Variants in SPTBN4 observed in about 807,000 individuals in gnomAD.
SPTBN4 encodes the protein spectrin beta, non-erythrocytic 4, also known as spectrin beta chain, non-erythrocytic 4.
SPTBN4 carries 96 observed loss-of-function variants against 277.8 expected under a neutral mutation model. The observed-to-expected ratio is 0.35, with a 90% CI of 0.29 to 0.41. SPTBN4 has a LOEUF of 0.41. Among genes scored for constraint, SPTBN4 ranks in the 10% least tolerant of loss-of-function variants. The pLI is 1.00. For missense variants in SPTBN4, 3,006 were observed against 3,595.7 expected (o/e 0.84, Z 4.19); for synonymous variants, 1,481 against 1,580.3 (o/e 0.94, Z 1.49).
At chr19:40,470,658 A>G (rs928030626) in intron 1 of SPTBN4, among the ~76,000 whole-genome samples, 3 of 148,758 alleles carry the variant, frequency 2.0e-5, no homozygotes, top group Non-Finnish European at 4.5e-5. Flanking sequence ...CTTGAGAATG[A>G]GTCTTACTCT....
intron 20 of SPTBN4, among the ~76,000 whole-genome samples, chr19:40,541,376 C>T (rs1599784335): frequency 6.6e-6 from 1 of 152,168 alleles, no homozygotes; most frequent in Admixed American, 6.5e-5. Context: ...GCCCTTTTCC[C>T]AGCAGAGGGA....
intron 15 of SPTBN4, among the ~76,000 whole-genome samples, chr19:40,518,301 G>A (rs970917940): frequency 1.9e-4 from 29 of 152,024 alleles, no homozygotes; most frequent in Admixed American, 1.3e-4. Flanking sequence ...GCAAGACTCT[G>A]TCTAAAAAAG....
intron 5 of SPTBN4, 140 bp from the exon 6 acceptor site, chr19:40,494,757 C>A (rs1227118006): frequency 7.0e-6 from 5 of 710,364 alleles, no homozygotes; most frequent in Non-Finnish European, 7.3e-6. Flanking sequence ...CCAACACCCA[C>A]CCATCCATCC....
At chr19:40,493,732 T>C (rs913218221) in intron 5 of SPTBN4, among the ~76,000 whole-genome samples, 1 of 151,840 alleles carries the variant, frequency 6.6e-6, no homozygotes, top group African/African-American at 2.4e-5. Context: ...TGAAAATAAA[T>C]AACAAACACA....
intron 1 of SPTBN4, among the ~76,000 whole-genome samples, chr19:40,469,123 T>C (rs2079856765): frequency 1.3e-5 from 2 of 152,068 alleles, no homozygotes; most frequent in East Asian, 3.9e-4. Flanking sequence ...GATTTCAATG[T>C]GTCCCCCTAA....
At chr19:40,566,399 C>T (rs1210577847) in intron 30 of SPTBN4, 40 bp downstream of exon 30, 1 of 1,459,822 alleles carries the variant, frequency 6.9e-7, no homozygotes, top group East Asian at 2.5e-5. Flanking sequence ...CCCACCCCCA[C>T]CAAGACCCCC....
intron 28 of SPTBN4, 46 bp downstream of exon 28, chr19:40,565,607 G>A (rs1367011581): frequency 7.6e-6 from 12 of 1,586,216 alleles, no homozygotes; most frequent in Non-Finnish European, 9.4e-6. Context: ...GGGCACATTG[G>A]GGTGGAAGCC....
At chr19:40,552,759 T>C (rs1043192251) in intron 22 of SPTBN4, among the ~76,000 whole-genome samples, 2 of 152,172 alleles carry the variant, frequency 1.3e-5, no homozygotes, top group Admixed American at 1.3e-4. Flanking sequence ...TACTCTTGGC[T>C]GTCAACAGTG....
At chr19:40,540,087 C>T (rs1206857914) in intron 20 of SPTBN4, among the ~76,000 whole-genome samples, 2 of 151,034 alleles carry the variant, frequency 1.3e-5, no homozygotes, top group South Asian at 2.1e-4. Flanking sequence ...CCACCATACC[C>T]GGCTAATTTT....
In SPTBN4 at chr19:40,536,167, C is replaced by T. The variant is rs117857759; in HGVS notation, c.4359+1824C>T. Reference sequence around the variant, plus strand: ...GGGGTCAGTTCGTTCTTTTTCCCTCCGCTCCCCTCCCCTTCCCCTCTCTTT... The same window carrying T: ...GGGGTCAGTTCGTTCTTTTTCCCTCTGCTCCCCTCCCCTTCCCCTCTCTTT... On this transcript the variant is annotated intron_variant, in intron 20 of 35. Coordinates refer to ENST00000598249, the MANE Select transcript of SPTBN4 (RefSeq NM_020971.3). Among the ~76,000 whole-genome samples, 87 of 151,848 alleles carry T rather than the reference C, an allele frequency of 5.7e-4. No homozygotes were observed. In the East Asian group the frequency reaches 0.016, roughly 28 times the overall value.
chr19:40,567,616 G>GCCCCACCCCACCCACCAAAC, intron 30 of SPTBN4, 47 bp from the exon 31 acceptor site: 1 of 551,360 alleles, frequency 1.8e-6, no homozygotes, highest in Middle Eastern at 3.7e-4. Flanking sequence ...CCCTTACCCC[G>GCCCCACCCCACCCACCAAAC]CCCCGGCCCC....
intron 2 of SPTBN4, among the ~76,000 whole-genome samples, chr19:40,479,363 T>C (rs1568758070): frequency 1.3e-5 from 2 of 152,150 alleles, no homozygotes. Context: ...CCTCCACAGT[T>C]TGTGGCTCAC....
chr19:40,520,055 C>T lies in SPTBN4; in HGVS notation c.3558C>T (p.Gly1186=), dbSNP rs752741373. ...AACTTGGCTGGCATAAACTGCTCGG[C>T]TTGTGGGAGGCGCGCAGGGAGGCGC... ...HLELGWHKLL[G]LWEARREALV... The change falls in exon 16 of 36, where the codon GGC becomes GGT. Residue 1186 remains glycine, a synonymous_variant. Transcript: ENST00000598249. 26 of 1,542,174 alleles carry T rather than the reference C, an allele frequency of 1.7e-5. No individual in the cohort carries two copies. The Admixed American group carries it at 5.2e-4, about 31-fold the overall frequency.
Position 40,515,089 on chromosome 19 carries a change from A to G in SPTBN4, c.2766-222A>G, listed in dbSNP as rs1371516558. On this transcript the variant is annotated intron_variant, in intron 14 of 35. Coordinates refer to ENST00000598249, the MANE Select transcript of SPTBN4 (RefSeq NM_020971.3). This position sits in a 1 kb window ranked among gnomAD's most constrained non-coding sequence, Gnocchi z 4.1. ...CACTGCACTCCAGCCTGGGTGACAG[A>G]GCGAGACTCTGTCTCAATACATACA... is the stretch of plus-strand genomic sequence containing the variant. Among the ~76,000 whole-genome samples the G allele has an allele frequency of 6.6e-6, 1 of 152,140 alleles. No homozygotes were observed. Among genetic ancestry groups the G allele is most frequent in the Non-Finnish European group, 1.5e-5 (1 of 68,030 alleles).
At chr19:40,523,351 G>T in intron 16 of SPTBN4, 86 bp from the exon 17 acceptor site, 1 of 1,303,642 alleles carries the variant, frequency 7.7e-7, no homozygotes, top group Non-Finnish European at 1.1e-6. Flanking sequence ...AGGTTGCGGG[G>T]AGTGGTGGCA....
intron 7 of SPTBN4, among the ~76,000 whole-genome samples, chr19:40,499,925 T>G (rs926490410): frequency 1.3e-5 from 2 of 151,752 alleles, no homozygotes; most frequent in Non-Finnish European, 2.9e-5. Context: ...AGGTATACTG[T>G]TGTGCATCCA....
chr19:40,488,494 G>A (rs1175317829), intron 3 of SPTBN4, among the ~76,000 whole-genome samples: 3 of 152,122 alleles, frequency 2.0e-5, no homozygotes, highest in Admixed American at 1.3e-4. Context: ...GCATGGCTAT[G>A]GAATAGGAAC....
intron 5 of SPTBN4, among the ~76,000 whole-genome samples, chr19:40,494,298 T>C (rs1320383883): frequency 6.6e-6 from 1 of 151,522 alleles, no homozygotes; most frequent in African/African-American, 2.4e-5. Flanking sequence ...ATCTCTTCTC[T>C]CCTCCCTCCT....
intron 5 of SPTBN4, among the ~76,000 whole-genome samples, chr19:40,494,611 ATCTG>A (rs965816456): frequency 7.3e-5 from 11 of 150,132 alleles, no homozygotes; most frequent in Admixed American, 1.3e-4. Context: ...TATATCTATT[ATCTG>A]TCTATCATCT....
Sources: gnomAD v4.1 joint callset for allele counts (sites outside exome capture counted in the v4.1 genomes callset) on GRCh38, gnomAD v4.1.1 for gene constraint, Gnocchi (gnomAD v3.1) non-coding constraint, MANE v1.5 for transcripts, NCBI Gene and HGNC (gene_info 2026-07-23, HGNC 2026-07-21) for gene names.